KCNMB2: variants seen among roughly 807,000 people sequenced by gnomAD.
The protein encoded by KCNMB2 is calcium-activated potassium channel subunit beta-2.
A neutral mutation model predicts 24.5 loss-of-function variants in KCNMB2; 9 were observed. The ratio of observed to expected loss-of-function variants is 0.37; its 90% CI spans 0.22 to 0.64. KCNMB2 has a LOEUF of 0.64. KCNMB2 is among the 30% of genes least tolerant of loss of function. The probability of loss-of-function intolerance (pLI) is 0.63; values close to 1 mark genes in which losing one functional copy is unlikely to be tolerated. For missense variants in KCNMB2, 226 were observed against 284.3 expected (o/e 0.79, Z 1.47); for synonymous variants, 109 against 104.4 (o/e 1.04, Z -0.27).
At chr3:178,831,861 A>G (rs1172398110) in intron 4 of KCNMB2, among the ~76,000 whole-genome samples, 1 of 152,154 alleles carries the variant, frequency 6.6e-6, no homozygotes. Flanking sequence ...CAATTTACCT[A>G]TGTAACAAAC....
intron 1 of KCNMB2, among the ~76,000 whole-genome samples, chr3:178,688,657 G>C (rs1721554315): frequency 6.6e-6 from 1 of 151,996 alleles, no homozygotes; most frequent in African/African-American, 2.4e-5. Context: ...CAAACAAAAA[G>C]AAAACCCTAA....
rs1163978125 is a variant in KCNMB2, at chr3:178,631,693, T to C, written c.-68+94982T>C. On this transcript the variant is annotated intron_variant, in intron 1 of 4. Transcript: ENST00000452583. ...GGTGTGCTATTTGTCACAATTCAAATTAAAAGGTGTTGGGAGAAAATGGGA... is the reference window on the plus strand; with the variant it reads ...GGTGTGCTATTTGTCACAATTCAAACTAAAAGGTGTTGGGAGAAAATGGGA... Among the ~76,000 whole-genome samples, 3 of 152,186 alleles carry C rather than the reference T, an allele frequency of 2.0e-5. No homozygotes were observed. The East Asian group carries it at 5.8e-4, about 29-fold the overall frequency.
chr3:178,686,374 A>C (rs1721473272), intron 1 of KCNMB2, among the ~76,000 whole-genome samples: 1 of 152,192 alleles, frequency 6.6e-6, no homozygotes, highest in African/African-American at 2.4e-5. Flanking sequence ...TTTTCTTTAA[A>C]AGTGATCTAT....
chr3:178,836,638 G>A (rs961493118), intron 4 of KCNMB2, among the ~76,000 whole-genome samples: 1 of 152,108 alleles, frequency 6.6e-6, no homozygotes, highest in African/African-American at 2.4e-5. Flanking sequence ...ATAGTCACAT[G>A]TTAAAGCACA....
rs374963855 is a variant in KCNMB2, at chr3:178,585,762, T to C, written c.-68+49051T>C. On this transcript the variant is annotated intron_variant, in intron 1 of 4. Transcript: ENST00000452583. ...TTTTATTAACAAAGCAATATAATGCTAGTTTTCTAGGGCACAGTAGTCTCA... is the reference window on the plus strand; with the variant it reads ...TTTTATTAACAAAGCAATATAATGCCAGTTTTCTAGGGCACAGTAGTCTCA... 7.9e-5 allele frequency among the ~76,000 whole-genome samples: 12 copies of C among 152,350 alleles called. 1 individual carries two copies. The highest frequency in any genetic ancestry group is 2.9e-4 in the African/African-American group (12 of 41,582).
intron 1 of KCNMB2, among the ~76,000 whole-genome samples, chr3:178,631,170 A>T (rs1032803468): frequency 6.6e-6 from 1 of 152,236 alleles, no homozygotes; most frequent in Non-Finnish European, 1.5e-5. Flanking sequence ...AATATGGTTC[A>T]TCGGGGTAAA....
In KCNMB2 at chr3:178,609,642, G is replaced by A. The variant is rs117855138; in HGVS notation, c.-68+72931G>A. ...TAGATATAAGTCTTTAGTCTATTTC[G>A]ATTTTTTTTTTTTTGGCAGATTGTC... is the stretch of plus-strand genomic sequence containing the variant. On this transcript the variant is annotated intron_variant, in intron 1 of 4. Coordinates refer to ENST00000452583, the MANE Select transcript of KCNMB2 (RefSeq NM_181361.3). Among the ~76,000 whole-genome samples the A allele has an allele frequency of 5.3e-3, 799 of 150,646 alleles. 12 individuals are homozygous for A. Among genetic ancestry groups the A allele is most frequent in the East Asian group, 0.041 (208 of 5,082 alleles).
intron 4 of KCNMB2, among the ~76,000 whole-genome samples, chr3:178,836,416 T>C (rs1184441114): frequency 1.3e-5 from 2 of 152,136 alleles, no homozygotes; most frequent in Admixed American, 6.6e-5. Flanking sequence ...TCAGAAGACA[T>C]TGACAGGACC....
At chr3:178,586,534 C>CTTTT (rs1717436976) in intron 1 of KCNMB2, among the ~76,000 whole-genome samples, 3 of 68,512 alleles carry the variant, frequency 4.4e-5, no homozygotes, top group African/African-American at 6.1e-5. Context: ...TTTTTTTTTT[C>CTTTT]TTTCTTTTTT....
intron 1 of KCNMB2, among the ~76,000 whole-genome samples, chr3:178,652,578 C>T (rs754019402): frequency 8.6e-5 from 13 of 151,204 alleles, no homozygotes; most frequent in South Asian, 8.3e-4. Flanking sequence ...AATAATGTTA[C>T]GTATTTAATA....
intron 1 of KCNMB2, among the ~76,000 whole-genome samples, chr3:178,683,918 A>C (rs532771964): frequency 6.6e-6 from 1 of 152,320 alleles, no homozygotes; most frequent in East Asian, 1.9e-4. Flanking sequence ...AGAAACAAAA[A>C]ATAGAACTAC....
At chr3:178,710,494 G>A (rs1722416816) in intron 1 of KCNMB2, among the ~76,000 whole-genome samples, 1 of 152,080 alleles carries the variant, frequency 6.6e-6, no homozygotes, top group African/African-American at 2.4e-5. Flanking sequence ...TTCCAGATTT[G>A]CATGCCAGCT....
At chr3:178,639,005 A>T (rs1719628139) in intron 1 of KCNMB2, among the ~76,000 whole-genome samples, 1 of 152,158 alleles carries the variant, frequency 6.6e-6, no homozygotes, top group African/African-American at 2.4e-5. Context: ...TACAGATTTC[A>T]TGTGTTAGAT....
chr3:178,733,274 T>C (rs1723209963), intron 1 of KCNMB2, among the ~76,000 whole-genome samples: 1 of 152,038 alleles, frequency 6.6e-6, no homozygotes, highest in African/African-American at 2.4e-5. Context: ...ACATCACTGA[T>C]ATACTCCAAG....
At chr3:178,591,543 A>G (rs559728489) in intron 1 of KCNMB2, among the ~76,000 whole-genome samples, 1 of 152,108 alleles carries the variant, frequency 6.6e-6, no homozygotes, top group African/African-American at 2.4e-5. Context: ...ATCTTCCCCA[A>G]AGAAACCCAC....
intron 1 of KCNMB2, among the ~76,000 whole-genome samples, chr3:178,619,711 G>T (rs1444830595): frequency 2.0e-5 from 3 of 152,082 alleles, no homozygotes; most frequent in Non-Finnish European, 4.4e-5. Flanking sequence ...ACCACATTTT[G>T]CTTCCAACCT....
chr3:178,790,522 A>C (rs1491002353), intron 1 of KCNMB2, among the ~76,000 whole-genome samples: 2 of 152,106 alleles, frequency 1.3e-5, no homozygotes. Context: ...CCTGGGCTGG[A>C]GGGGTGATCA....
At chr3:178,590,469 CAT>C (rs1225562881) in intron 1 of KCNMB2, among the ~76,000 whole-genome samples, 6 of 152,096 alleles carry the variant, frequency 3.9e-5, no homozygotes, top group African/African-American at 1.4e-4. Context: ...CATAATGTAA[CAT>C]ATAACATAAT....
chr3:178,741,371 A>G (rs1044854881), intron 1 of KCNMB2, among the ~76,000 whole-genome samples: 1 of 152,100 alleles, frequency 6.6e-6, no homozygotes, highest in African/African-American at 2.4e-5. Context: ...ATGAATATTT[A>G]TTTCCTCCAT....
Sources: allele counts gnomAD v4.1 joint callset (sites outside exome capture counted in the v4.1 genomes callset), GRCh38; gene constraint gnomAD v4.1.1; transcripts MANE v1.5; gene names NCBI Gene and HGNC (gene_info 2026-07-23, HGNC 2026-07-21).